Variants in ANKRD42 observed in about 807,000 individuals in gnomAD.
ANKRD42 encodes ankyrin repeat domain 42.
In ANKRD42, 43 loss-of-function variants were observed where a neutral mutation model predicts 51.5. The observed-to-expected ratio is 0.83, with a 90% CI of 0.65 to 1.08. The LOEUF (loss-of-function observed/expected upper bound fraction) is 1.08. Among genes scored for constraint, ANKRD42 ranks in the 50% least tolerant of loss-of-function variants. ANKRD42 has a pLI of 0.00. For missense variants in ANKRD42, 608 were observed against 629.3 expected (o/e 0.97, Z 0.36); for synonymous variants, 203 against 213.0 (o/e 0.95, Z 0.41).
chr11:83,263,049 C>T (rs1191500671), downstream of ANKRD42, among the ~76,000 whole-genome samples: 1 of 152,022 alleles, frequency 6.6e-6, no homozygotes, highest in Non-Finnish European at 1.5e-5. Context: ...AACAGTGGAG[C>T]CGGGATTTAA....
At chr11:83,249,335 T>C (rs1017073070), downstream of ANKRD42, among the ~76,000 whole-genome samples, 3 of 152,208 alleles carry the variant, frequency 2.0e-5, no homozygotes, top group African/African-American at 7.2e-5. Context: ...GCCTCCCAAG[T>C]AGCTGGGACT....
At chr11:83,200,334 G>A (rs1590960404) in intron 2 of ANKRD42, among the ~76,000 whole-genome samples, 5 of 151,804 alleles carry the variant, frequency 3.3e-5, no homozygotes, top group Non-Finnish European at 7.4e-5. Context: ...TGGCTTTATC[G>A]CTTCTACATA....
chr11:83,225,564 CAAA>C (rs34199371), intron 6 of ANKRD42, among the ~76,000 whole-genome samples: 2 of 136,252 alleles, frequency 1.5e-5, no homozygotes, highest in Admixed American at 7.5e-5. Context: ...GACCCTGTCT[CAAA>C]AAAAAAAAAA....
chr11:83,238,771 T>C (rs2135547870), intron 8 of ANKRD42, among the ~76,000 whole-genome samples: 2 of 151,208 alleles, frequency 1.3e-5, no homozygotes, highest in South Asian at 4.2e-4. Context: ...TGGAGGTTGC[T>C]GTGAGCCGAG....
downstream of ANKRD42, among the ~76,000 whole-genome samples, chr11:83,252,438 A>G (rs143186453): frequency 9.1e-4 from 138 of 152,360 alleles, 1 homozygote; most frequent in South Asian, 7.7e-3. Flanking sequence ...TCAAACTAGA[A>G]TCATCTAAAA....
chr11:83,247,872 G>A, intron 10 of ANKRD42, 71 bp from the exon 11 acceptor site: 1 of 1,261,694 alleles, frequency 7.9e-7, no homozygotes, highest in Non-Finnish European at 1.1e-6. Flanking sequence ...ATGTATGAAT[G>A]CTTTCCACTA....
downstream of ANKRD42, chr11:83,259,391 T>C (rs1190840808): frequency 6.6e-6 from 1 of 152,194 alleles, no homozygotes; most frequent in Non-Finnish European, 1.5e-5. Context: ...GGACAGGGTA[T>C]GGTATGCATA....
rs1352852688 is a variant in ANKRD42, at chr11:83,227,763, T to A, written c.804T>A (p.Gly268=). 6.2e-7 allele frequency: 1 copy of A among 1,611,258 alleles called. No homozygotes were observed. The highest frequency in any genetic ancestry group is 1.3e-5 in the African/African-American group (1 of 74,756). The change falls in exon 7 of 11, where the codon GGT becomes GGA. Residue 268 remains glycine, a synonymous_variant. Transcript: ENST00000533342. ...LEDQETLAFP[G]HVAAFKGDLG... is the part of the protein sequence containing the mutation. ...TATTCATAGCTTTAGCATTTCCAGGTCATGTGGCTGCCTTTAAGGGTGATT... is the reference window on the plus strand; with the variant it reads ...TATTCATAGCTTTAGCATTTCCAGGACATGTGGCTGCCTTTAAGGGTGATT...
rs1861504540 is a variant in ANKRD42 at position 83,193,772 on chromosome 11, T to C, written c.-899T>C. The C allele has an allele frequency of 2.2e-6, 1 of 446,620 alleles. No individual in the cohort carries two copies. Among genetic ancestry groups the C allele is most frequent in the African/African-American group, 2.0e-5 (1 of 49,130 alleles). The allele number at this position is 446,620 out of a possible 1,614,324, so 27.7% of individuals were successfully genotyped here. A position where few individuals can be genotyped will look rare whatever the true frequency, so the allele number is the denominator to read the frequency against. ...AGCCAAGTGGCTGGAGTCGGGAGGC[T>C]GGAAAGAGACTCCGAGAAAGTACCA... On this transcript the variant is annotated 5_prime_UTR_variant, in exon 1 of 11. Coordinates refer to ENST00000533342, the MANE Select transcript of ANKRD42 (RefSeq NM_001300975.2).
intron 5 of ANKRD42, among the ~76,000 whole-genome samples, chr11:83,223,206 C>T (rs766730545): frequency 5.3e-5 from 8 of 152,160 alleles, no homozygotes; most frequent in South Asian, 4.1e-4. Context: ...GCCAAGATTG[C>T]GCCACTGCAC....
Position 83,194,735 on chromosome 11 carries a change from C to T in ANKRD42, c.58+7C>T, listed in dbSNP as rs758968613. 8 of 1,581,016 alleles carry T rather than the reference C, an allele frequency of 5.1e-6. No homozygotes were observed. In the Admixed American group the frequency reaches 1.3e-4, roughly 26 times the overall value. On this transcript the variant is annotated splice_region_variant and intron_variant, in intron 1 of 10. Coordinates refer to ENST00000533342, the MANE Select transcript of ANKRD42 (RefSeq NM_001300975.2). ...AGGGAGACTGCAAACCCCTGTGAGT[C>T]AGACTGTCATTGGCCTTCATCTCTG...
At chr11:83,256,956 G>T (rs974272861), downstream of ANKRD42, among the ~76,000 whole-genome samples, 2 of 152,134 alleles carry the variant, frequency 1.3e-5, no homozygotes, top group Non-Finnish European at 2.9e-5. Flanking sequence ...GGCTGTCATT[G>T]GGAGAATTAA....
At chr11:83,250,538 A>G (rs1863656125), downstream of ANKRD42, among the ~76,000 whole-genome samples, 1 of 152,154 alleles carries the variant, frequency 6.6e-6, no homozygotes, top group Admixed American at 6.5e-5. Flanking sequence ...CTGTCTCCAC[A>G]TTATATTTTT....
At chr11:83,255,968 TTC>T (rs1491530131) in exon 12 of ANKRD42, 37 of 1,450,362 alleles carry the variant, frequency 2.6e-5, no homozygotes, top group Middle Eastern at 1.7e-4. Flanking sequence ...TGCTAGATTT[TTC>T]TCTTTCATTA....
chr11:83,228,334 C>T (rs367875831), intron 7 of ANKRD42, among the ~76,000 whole-genome samples: 13 of 140,346 alleles, frequency 9.3e-5, no homozygotes, highest in African/African-American at 3.4e-4. Flanking sequence ...CTCAAGTCAT[C>T]CTCCCAAGCT....
Position 83,210,316 on chromosome 11 carries a change from G to C in ANKRD42, c.347G>C (p.Gly116Ala). The C allele has an allele frequency of 6.2e-7, 1 of 1,613,642 alleles. No individual in the cohort carries two copies. Among genetic ancestry groups the C allele is most frequent in the Non-Finnish European group, 8.5e-7 (1 of 1,179,698 alleles). The change falls in exon 4 of 11, where the codon GGA becomes GCA. Residue 116 changes from glycine (G) to alanine (A), a missense_variant. By Grantham distance (60) the Gly-to-Ala change is moderately conservative. Transcript: ENST00000533342. ...TATTTTTAGGCTCTTATAATGAATG[G>C]AGCAAATCTGACAGCCCAGGATGAC... ...DACVQALIMN[G>A]ANLTAQDDRG...
At chr11:83,228,001 ATCTT>A (rs1862943758) in intron 7 of ANKRD42, 129 bp downstream of exon 7, 1 of 1,040,998 alleles carries the variant, frequency 9.6e-7, no homozygotes, top group Non-Finnish European at 1.3e-6. Flanking sequence ...ATATCAGTCT[ATCTT>A]GTATGGTATA....
intron 7 of ANKRD42, among the ~76,000 whole-genome samples, chr11:83,230,130 C>T (rs889102458): frequency 1.3e-5 from 2 of 152,204 alleles, no homozygotes; most frequent in Non-Finnish European, 2.9e-5. Context: ...CGACTAACTG[C>T]AGCCTTGACC....
chr11:83,245,123 C>T (rs556129250), intron 9 of ANKRD42, among the ~76,000 whole-genome samples: 106 of 152,180 alleles, frequency 7.0e-4, no homozygotes, highest in Non-Finnish European at 9.3e-4. Flanking sequence ...AGGCTGGTCT[C>T]GAACTCCTGA....
Sources: allele counts gnomAD v4.1 joint callset (sites outside exome capture counted in the v4.1 genomes callset), GRCh38; gene constraint gnomAD v4.1.1; transcripts MANE v1.5; gene names NCBI Gene and HGNC (gene_info 2026-07-23, HGNC 2026-07-21).